The following MSRA variants were observed in gnomAD, a reference collection of about 807,000 sequenced individuals.
MSRA encodes mitochondrial peptide methionine sulfoxide reductase.
In MSRA, 54 loss-of-function variants were observed where a neutral mutation model predicts 31.3. That is an observed-to-expected ratio of 1.73 (90% CI 1.39 to 2.17). The LOEUF (loss-of-function observed/expected upper bound fraction) is 2.17, where lower values mean the gene tolerates loss of function less well. Among genes scored for constraint, MSRA ranks in the 30% most tolerant of loss-of-function variants. MSRA has a pLI of 0.00. For missense variants in MSRA, 507 were observed against 300.9 expected, an observed-to-expected ratio of 1.69 and a Z score of -5.07; for synonymous variants, 169 against 116.5, an observed-to-expected ratio of 1.45 and a Z score of -2.90.
At chr8:10,141,576 A>T (rs1217700339) in intron 1 of MSRA, among the ~76,000 whole-genome samples, 2 of 152,218 alleles carry the variant, frequency 1.3e-5, no homozygotes, top group East Asian at 3.9e-4. Context: ...GCATGCATGG[A>T]GTCACATCCC....
At chr8:10,146,389 G>T (rs890316843) in intron 1 of MSRA, among the ~76,000 whole-genome samples, 1 of 152,184 alleles carries the variant, frequency 6.6e-6, no homozygotes, top group Non-Finnish European at 1.5e-5. Context: ...CAAAAGCAGG[G>T]TGAGGTCTCG....
intron 5 of MSRA, chr8:10,337,479 A>G: frequency 1.9e-6 from 1 of 516,606 alleles, no homozygotes; most frequent in South Asian, 2.4e-5. Context: ...ACGCCCGGCC[A>G]AGCCTATGTC....
chr8:10,395,131 G>A (rs180911491), intron 5 of MSRA, among the ~76,000 whole-genome samples: 2 of 152,322 alleles, frequency 1.3e-5, no homozygotes, highest in Non-Finnish European at 2.9e-5. Context: ...ACACGCAGGA[G>A]GAAGCGTTGG....
chr8:10,134,627 G>T (rs1362901480), intron 1 of MSRA, among the ~76,000 whole-genome samples: 1 of 152,164 alleles, frequency 6.6e-6, no homozygotes, highest in East Asian at 1.9e-4. Context: ...TTCTGTGGAC[G>T]GCAGACCAGG....
intron 1 of MSRA, among the ~76,000 whole-genome samples, chr8:10,075,861 T>C (rs1797970174): frequency 6.6e-6 from 1 of 152,236 alleles, no homozygotes; most frequent in African/African-American, 2.4e-5. Flanking sequence ...CTTTTCCTAA[T>C]ACCAAGATAT....
At chr8:10,133,179 A>T (rs963644338) in intron 1 of MSRA, among the ~76,000 whole-genome samples, 1 of 152,178 alleles carries the variant, frequency 6.6e-6, no homozygotes, top group African/African-American at 2.4e-5. Context: ...ACTGTGGGGA[A>T]GGCGGTGAGG....
At chr8:10,161,082 A>C (rs1053738057) in intron 1 of MSRA, among the ~76,000 whole-genome samples, 1 of 152,236 alleles carries the variant, frequency 6.6e-6, no homozygotes, top group Non-Finnish European at 1.5e-5. Flanking sequence ...TTATGAACAC[A>C]CAATATTATC....
At chr8:10,420,101 C>T (rs1162058669) in intron 5 of MSRA, among the ~76,000 whole-genome samples, 1 of 152,068 alleles carries the variant, frequency 6.6e-6, no homozygotes, top group Non-Finnish European at 1.5e-5. Flanking sequence ...TAGTGTGCAG[C>T]CTTAAAAAGA....
intron 3 of MSRA, among the ~76,000 whole-genome samples, chr8:10,269,363 G>C (rs1441588247): frequency 6.6e-6 from 1 of 152,194 alleles, no homozygotes; most frequent in Non-Finnish European, 1.5e-5. Context: ...AGAACTTATA[G>C]CAGAATCAGA....
intron 1 of MSRA, among the ~76,000 whole-genome samples, chr8:10,161,022 G>A (rs1471533641): frequency 6.6e-6 from 1 of 152,160 alleles, no homozygotes; most frequent in Non-Finnish European, 1.5e-5. Flanking sequence ...AAATGAATAA[G>A]GCGAGAGCCT....
intron 5 of MSRA, among the ~76,000 whole-genome samples, chr8:10,423,806 C>T (rs1469617946): frequency 6.6e-6 from 1 of 152,204 alleles, no homozygotes; most frequent in Non-Finnish European, 1.5e-5. Context: ...CCTTCCCAGG[C>T]CCTAGAGGAG....
chr8:10,280,699 C>G (rs574475764), intron 3 of MSRA, among the ~76,000 whole-genome samples: 2 of 152,270 alleles, frequency 1.3e-5, no homozygotes, highest in African/African-American at 2.4e-5. Flanking sequence ...CAACCTGTGT[C>G]CATACAAAAG....
At chr8:10,094,141 A>G (rs1799001272) in intron 1 of MSRA, among the ~76,000 whole-genome samples, 1 of 152,220 alleles carries the variant, frequency 6.6e-6, no homozygotes. Flanking sequence ...AGCATGGGAC[A>G]CTTTTGTCAG....
intron 2 of MSRA, among the ~76,000 whole-genome samples, chr8:10,210,820 A>G (rs1809413251): frequency 6.7e-6 from 1 of 149,974 alleles, no homozygotes; most frequent in Non-Finnish European, 1.5e-5. Flanking sequence ...TGCAACCTCC[A>G]CTTCCCGAGT....
At chr8:10,186,020 A>G (rs1458156603) in intron 1 of MSRA, among the ~76,000 whole-genome samples, 1 of 152,102 alleles carries the variant, frequency 6.6e-6, no homozygotes, top group African/African-American at 2.4e-5. Flanking sequence ...TCCCCTGACC[A>G]TGGCACTTTC....
chr8:10,386,036 A>C (rs1015980133), intron 5 of MSRA, among the ~76,000 whole-genome samples: 1 of 152,212 alleles, frequency 6.6e-6, no homozygotes, highest in Non-Finnish European at 1.5e-5. Context: ...TCAGGGCAGG[A>C]GGAATGGATG....
chr8:10,232,762 C>T (rs1811601373), intron 2 of MSRA, among the ~76,000 whole-genome samples: 1 of 152,084 alleles, frequency 6.6e-6, no homozygotes, highest in Non-Finnish European at 1.5e-5. Context: ...AGTAGAAATG[C>T]AGGAATCTTA....
intron 1 of MSRA, among the ~76,000 whole-genome samples, chr8:10,177,861 A>T (rs930743439): frequency 6.6e-6 from 1 of 152,192 alleles, no homozygotes; most frequent in Admixed American, 6.5e-5. Context: ...GAATTTGTCT[A>T]TCTATAGTTG....
chr8:10,341,252 G>A (rs975908163), intron 5 of MSRA, among the ~76,000 whole-genome samples: 2 of 152,208 alleles, frequency 1.3e-5, no homozygotes, highest in Non-Finnish European at 2.9e-5. Context: ...GCTGGCATCT[G>A]CTCGGCTCCT....
Sources: gnomAD v4.1 joint callset for allele counts (sites outside exome capture counted in the v4.1 genomes callset) on GRCh38, gnomAD v4.1.1 for gene constraint, MANE v1.5 for transcripts, NCBI Gene and HGNC (gene_info 2026-07-23, HGNC 2026-07-21) for gene names.